Variants in LDLRAD4 observed in about 807,000 individuals in gnomAD.
The protein encoded by LDLRAD4 is low density lipoprotein receptor class A domain containing 4.
A neutral mutation model predicts 17.0 loss-of-function variants in LDLRAD4; 5 were observed. That is an observed-to-expected ratio of 0.29 (90% confidence interval 0.15 to 0.62). LDLRAD4 has a LOEUF of 0.62. Among genes scored for constraint, LDLRAD4 ranks in the 20% least tolerant of loss-of-function variants. LDLRAD4 has a pLI of 0.84. For missense variants in LDLRAD4, 340 were observed against 424.7 expected (o/e 0.80, Z 1.75); for synonymous variants, 168 against 171.8 (o/e 0.98, Z 0.17).
intron 3 of LDLRAD4, among the ~76,000 whole-genome samples, chr18:13,610,293 T>G: frequency 1.5e-5 from 1 of 67,574 alleles, no homozygotes; most frequent in African/African-American, 5.7e-5. Context: ...TTTTTTTTTT[T>G]TTTTTTTTTT....
chr18:13,593,163 A>G (rs1307948538), intron 3 of LDLRAD4, among the ~76,000 whole-genome samples: 2 of 152,152 alleles, frequency 1.3e-5, no homozygotes. Context: ...AAGTACATAA[A>G]TTAGCCGGAC....
chr18:13,321,011 G>A (rs942301177), intron 1 of LDLRAD4, among the ~76,000 whole-genome samples: 4 of 152,200 alleles, frequency 2.6e-5, no homozygotes, highest in African/African-American at 7.2e-5. Context: ...GTGAGCCCTA[G>A]TGAGTTCAGT....
chr18:13,618,618 T>C (rs1468733375), intron 3 of LDLRAD4, among the ~76,000 whole-genome samples: 1 of 152,228 alleles, frequency 6.6e-6, no homozygotes, highest in African/African-American at 2.4e-5. Flanking sequence ...TCACCATGAT[T>C]TTCCTCTATA....
At chr18:13,624,111 C>A (rs1169037882) in intron 4 of LDLRAD4, among the ~76,000 whole-genome samples, 1 of 152,190 alleles carries the variant, frequency 6.6e-6, no homozygotes, top group Non-Finnish European at 1.5e-5. Context: ...GCAACAAAGA[C>A]TCATCTGAGT....
At chr18:13,467,993 G>T (rs76305901) in intron 3 of LDLRAD4, among the ~76,000 whole-genome samples, 2 of 152,152 alleles carry the variant, frequency 1.3e-5, no homozygotes, top group African/African-American at 2.4e-5. Context: ...AGCTTGAAAT[G>T]TATCAACGAC....
rs116900996 is a variant in LDLRAD4, at chr18:13,494,528, T to C, written c.181+56144T>C. Among the ~76,000 whole-genome samples the C allele has an allele frequency of 6.1e-3, 912 of 149,564 alleles. 7 individuals are homozygous for C. The highest frequency in any genetic ancestry group is 0.01 in the Non-Finnish European group (699 of 67,566). ...TGCCTGTTTTATAGAAAATATACATTGAGGCTGGGCATGGTGGTGCACACC... is the reference window on the plus strand; with the variant it reads ...TGCCTGTTTTATAGAAAATATACATCGAGGCTGGGCATGGTGGTGCACACC... On this transcript the variant is annotated intron_variant, in intron 3 of 5. Coordinates refer to ENST00000359446, the Ensembl canonical transcript of LDLRAD4.
chr18:13,624,894 G>A (rs1046483444), intron 4 of LDLRAD4, among the ~76,000 whole-genome samples: 1 of 152,216 alleles, frequency 6.6e-6, no homozygotes, highest in East Asian at 1.9e-4. Flanking sequence ...GGGAGGATGA[G>A]TGTGTCTGGG....
chr18:13,639,393 A>AGAGT (rs2042335104), intron 4 of LDLRAD4, among the ~76,000 whole-genome samples: 1 of 152,276 alleles, frequency 6.6e-6, no homozygotes, highest in South Asian at 2.1e-4. Flanking sequence ...CACCAGTCAC[A>AGAGT]GAGTCACACC....
intron 3 of LDLRAD4, among the ~76,000 whole-genome samples, chr18:13,518,454 C>A (rs1391735349): frequency 6.6e-6 from 1 of 152,164 alleles, no homozygotes; most frequent in East Asian, 1.9e-4. Flanking sequence ...CCAATGTCTT[C>A]TTTTCTTTTT....
At chr18:13,640,292 C>CAAAAA (rs55794457) in intron 4 of LDLRAD4, among the ~76,000 whole-genome samples, 18,296 of 97,698 alleles carry the variant, frequency 0.19, 2,759 homozygotes, top group African/African-American at 0.24. Context: ...GATTCCATCT[C>CAAAAA]AAAAAAAAAA....
At chr18:13,516,409 A>C (rs1196929103) in intron 3 of LDLRAD4, among the ~76,000 whole-genome samples, 2 of 152,182 alleles carry the variant, frequency 1.3e-5, no homozygotes, top group African/African-American at 4.8e-5. Flanking sequence ...GTATTTGTTC[A>C]GATGTCACCT....
intron 2 of LDLRAD4, among the ~76,000 whole-genome samples, chr18:13,393,096 C>T (rs1259686130): frequency 1.3e-5 from 2 of 152,122 alleles, no homozygotes; most frequent in Non-Finnish European, 2.9e-5. Context: ...GCGTGCCCTT[C>T]CCACCCCACA....
intron 1 of LDLRAD4, among the ~76,000 whole-genome samples, chr18:13,325,673 G>A (rs1395060503): frequency 1.3e-5 from 2 of 152,128 alleles, no homozygotes; most frequent in African/African-American, 2.4e-5. Flanking sequence ...CTGCGCACCC[G>A]CCCGTCTCGG....
At chr18:13,648,690 A>G (rs568609608) in exon 6 of LDLRAD4, 2 of 152,304 alleles carry the variant, frequency 1.3e-5, no homozygotes, top group South Asian at 4.1e-4. Context: ...TAGGCAATCA[A>G]TGATAGGTTT....
chr18:13,627,443 C>T (rs1046256184), intron 4 of LDLRAD4, among the ~76,000 whole-genome samples: 10 of 152,050 alleles, frequency 6.6e-5, no homozygotes, highest in African/African-American at 2.2e-4. Context: ...CCTTCAGTGC[C>T]GGGCAGCAGC....
At chr18:13,278,006 C>G (rs574504867), upstream of LDLRAD4, 1 of 152,152 alleles carries the variant, frequency 6.6e-6, no homozygotes, top group Non-Finnish European at 1.5e-5. Flanking sequence ...TATGCCTCTT[C>G]TCGTGACAGC....
chr18:13,491,329 A>C (rs892520055), intron 3 of LDLRAD4: 5 of 152,208 alleles, frequency 3.3e-5, no homozygotes, highest in African/African-American at 1.2e-4. Context: ...CTCCACTATC[A>C]GATGGCGGCT....
intron 1 of LDLRAD4, among the ~76,000 whole-genome samples, chr18:13,348,103 C>G (rs549303657): frequency 3.9e-5 from 6 of 152,162 alleles, no homozygotes; most frequent in African/African-American, 1.4e-4. Flanking sequence ...AGCTTTGTTG[C>G]GATGCTGGTG....
Position 13,621,841 on chromosome 18 carries a change from C to T in LDLRAD4, c.336+570C>T, listed in dbSNP as rs1243651302. Among the ~76,000 whole-genome samples the T allele has an allele frequency of 7.5e-6, 1 of 134,092 alleles. No homozygotes were observed. Among genetic ancestry groups the T allele is most frequent in the African/African-American group, 2.8e-5 (1 of 35,974 alleles). The allele number at this position is 134,092 out of a possible 152,430, so 88.0% of individuals were successfully genotyped here. A position where few individuals can be genotyped will look rare whatever the true frequency, so the allele number is the denominator to read the frequency against. ...GTGGGCTTGTCGGCGGTAGGGTTGT[C>T]GGCGGTGGGTTGTGGAGGGTGGGGT... On this transcript the variant is annotated intron_variant, in intron 4 of 5. Coordinates refer to ENST00000359446, the Ensembl canonical transcript of LDLRAD4. The surrounding 1 kb of genome is among the most constrained non-coding windows in gnomAD (Gnocchi z 5.5).
Sources: gnomAD v4.1 joint callset for allele counts (sites outside exome capture counted in the v4.1 genomes callset) on GRCh38, gnomAD v4.1.1 for gene constraint, Gnocchi (gnomAD v3.1) non-coding constraint, MANE v1.5 for transcripts, NCBI Gene and HGNC (gene_info 2026-07-23, HGNC 2026-07-21) for gene names.